The following SASH1 variants were observed in gnomAD, a reference collection of about 807,000 sequenced individuals.
SASH1 encodes SAM and SH3 domain-containing protein 1.
In SASH1, 44 loss-of-function variants were observed where a neutral mutation model predicts 125.2. The observed-to-expected ratio is 0.35, with a 90% CI of 0.28 to 0.45. The LOEUF is 0.45. Among genes scored for constraint, SASH1 ranks in the 20% least tolerant of loss-of-function variants. The probability of loss-of-function intolerance (pLI) is 1.00; values close to 1 mark genes in which losing one functional copy is unlikely to be tolerated. For synonymous variants in SASH1, 639 were observed against 649.1 expected (o/e 0.98, Z 0.24); for missense variants, 1,426 against 1,614.5 (o/e 0.88, Z 2.00).
chr6:148,391,638 T>A lies in SASH1; in HGVS notation c.285+1376T>A, dbSNP rs565125089. Among the ~76,000 whole-genome samples the A allele has an allele frequency of 8.5e-5, 13 of 152,316 alleles. No individual in the cohort carries two copies. In the East Asian group the frequency reaches 2.5e-3, roughly 29 times the overall value. On this transcript the variant is annotated intron_variant, in intron 2 of 19. Coordinates refer to ENST00000367467, the MANE Select transcript of SASH1 (RefSeq NM_015278.5). Reference sequence around the variant, plus strand: ...AAACCTTTATGTGTATAATCAGAGATGCATTTGGACTTGTATGTGATAAAC... The same window carrying A: ...AAACCTTTATGTGTATAATCAGAGAAGCATTTGGACTTGTATGTGATAAAC...
Position 148,535,657 on chromosome 6 carries a change from G to A in SASH1, c.2095+756G>A, listed in dbSNP as rs548099619. Among the ~76,000 whole-genome samples, 10 of 152,270 alleles carry A rather than the reference G, an allele frequency of 6.6e-5. No homozygotes were observed. The East Asian group carries it at 1.2e-3, about 18-fold the overall frequency. On this transcript the variant is annotated intron_variant, in intron 16 of 19. Coordinates refer to ENST00000367467, the MANE Select transcript of SASH1 (RefSeq NM_015278.5). ...TGAGCTCACAGCTTTTATGAAGTCT[G>A]TCTATTTGAATACACCATACCCTTT...
the SASH1 span, among the ~76,000 whole-genome samples, chr6:148,203,296 G>A: frequency 6.6e-6 from 1 of 152,172 alleles, no homozygotes; most frequent in African/African-American, 2.4e-5. Context: ...GAATTCTGGG[G>A]TGGAGGGACA....
the SASH1 span, among the ~76,000 whole-genome samples, chr6:148,251,687 T>A: frequency 0.046 from 7,019 of 152,000 alleles, 254 homozygotes; most frequent in East Asian, 0.18. Flanking sequence ...CTTTTTTTTT[T>A]AAATTATTAT....
At chr6:148,320,945 T>G (rs1780618901) in intron 1 of SASH1, among the ~76,000 whole-genome samples, 1 of 152,238 alleles carries the variant, frequency 6.6e-6, no homozygotes, top group Non-Finnish European at 1.5e-5. Context: ...TCTTACTAAC[T>G]CAGATGAAGC....
At position 148,544,111 on chromosome 6, in the gene SASH1, C is replaced by A; in HGVS notation, c.2641C>A (p.Pro881Thr). 1 of 1,614,080 alleles carries A rather than the reference C, an allele frequency of 6.2e-7. No individual in the cohort carries two copies. Among genetic ancestry groups the A allele is most frequent in the Admixed American group, 1.7e-5 (1 of 60,018 alleles). The change falls in exon 18 of 20, where the codon CCC (proline) becomes ACC (threonine). Residue 881 changes from proline (P) to threonine (T), a missense_variant. Pro to Thr is a conservative substitution (Grantham distance 38). Transcript: ENST00000367467. This position sits in a 1 kb window ranked among gnomAD's most constrained non-coding sequence, Gnocchi z 6.4. ...GACCGCCTCTTCCACGAAGGCCCAG[C>A]CCCTGGAGCAAGACTCTGCTGTCGA... ...KTTASSTKAQ[P>T]LEQDSAVDNA...
the SASH1 span, among the ~76,000 whole-genome samples, chr6:148,204,977 A>G: frequency 7.4e-4 from 112 of 152,256 alleles, 1 homozygote; most frequent in African/African-American, 2.4e-3. Flanking sequence ...ACCCACATCA[A>G]TGAGCATTCA....
intron 4 of SASH1, among the ~76,000 whole-genome samples, chr6:148,466,594 T>C (rs1777847898): frequency 6.6e-6 from 1 of 152,174 alleles, no homozygotes; most frequent in African/African-American, 2.4e-5. Context: ...CAGAGTCTCA[T>C]TCAGTCACCC....
chr6:148,334,950 G>A (rs1463135573), intron 1 of SASH1, among the ~76,000 whole-genome samples: 1 of 149,066 alleles, frequency 6.7e-6, no homozygotes, highest in Non-Finnish European at 1.5e-5. Flanking sequence ...CTCCAGCCTG[G>A]GCAACAGAGT....
At chr6:148,507,735 C>T (rs575988131) in intron 8 of SASH1, among the ~76,000 whole-genome samples, 95 of 152,228 alleles carry the variant, frequency 6.2e-4, no homozygotes, top group African/African-American at 1.9e-3. Context: ...GTGGTTCCTA[C>T]GCATCCCTGA....
intron 4 of SASH1, among the ~76,000 whole-genome samples, chr6:148,463,397 G>A (rs775910725): frequency 3.9e-5 from 6 of 152,106 alleles, no homozygotes; most frequent in Non-Finnish European, 5.9e-5. Flanking sequence ...CACCCGTCTC[G>A]GCCTCAAAGT....
At chr6:148,528,049 C>T (rs1781299177) in intron 12 of SASH1, among the ~76,000 whole-genome samples, 1 of 151,110 alleles carries the variant, frequency 6.6e-6, no homozygotes, top group Non-Finnish European at 1.5e-5. Context: ...AAGCACATAG[C>T]CAGTCTAAGA....
intron 4 of SASH1, among the ~76,000 whole-genome samples, chr6:148,458,485 T>A (rs1777460627): frequency 1.3e-5 from 2 of 152,192 alleles, no homozygotes; most frequent in African/African-American, 4.8e-5. Context: ...AGCTTGACTA[T>A]TTTTATGTTA....
intron 4 of SASH1, among the ~76,000 whole-genome samples, chr6:148,462,589 G>C (rs1481456742): frequency 3.9e-5 from 6 of 152,308 alleles, no homozygotes; most frequent in African/African-American, 1.4e-4. Flanking sequence ...TTCCTGAAAA[G>C]TGTTCTTGGA....
At chr6:148,489,159 A>G (rs891167260) in intron 8 of SASH1, among the ~76,000 whole-genome samples, 3 of 152,172 alleles carry the variant, frequency 2.0e-5, no homozygotes, top group Admixed American at 6.5e-5. Flanking sequence ...GATGAAATAT[A>G]TGGGTCCAAC....
At chr6:148,528,181 C>T (rs1781304814) in intron 12 of SASH1, among the ~76,000 whole-genome samples, 1 of 152,096 alleles carries the variant, frequency 6.6e-6, no homozygotes, top group Non-Finnish European at 1.5e-5. Context: ...GATTTTTCCC[C>T]CCTGGATCTA....
chr6:148,257,463 G>C, the SASH1 span, among the ~76,000 whole-genome samples: 1 of 152,172 alleles, frequency 6.6e-6, no homozygotes, highest in African/African-American at 2.4e-5. Context: ...AGTCTCTCAT[G>C]TGTTCCTGAC....
At chr6:148,474,299 G>A (rs1778247386) in intron 7 of SASH1, 77 bp downstream of exon 7, 2 of 815,510 alleles carry the variant, frequency 2.5e-6, no homozygotes, top group East Asian at 5.4e-5. Flanking sequence ...GGCCAACAAG[G>A]GGTATAGGAA....
chr6:148,365,779 G>A (rs1237008818), intron 1 of SASH1, among the ~76,000 whole-genome samples: 3 of 151,804 alleles, frequency 2.0e-5, no homozygotes. Flanking sequence ...TTCGAGACCA[G>A]CTTGCACAAC....
At chr6:148,360,855 C>G (rs555092629) in intron 1 of SASH1, among the ~76,000 whole-genome samples, 1 of 151,766 alleles carries the variant, frequency 6.6e-6, no homozygotes, top group South Asian at 2.1e-4. Flanking sequence ...ATTTTTTTTC[C>G]CACAAAAAAG....
Sources: gnomAD v4.1 joint callset for allele counts (sites outside exome capture counted in the v4.1 genomes callset) on GRCh38, gnomAD v4.1.1 for gene constraint, Gnocchi (gnomAD v3.1) non-coding constraint, MANE v1.5 for transcripts, NCBI Gene and HGNC (gene_info 2026-07-23, HGNC 2026-07-21) for gene names.